The following LRRC7 variants were observed in gnomAD, a reference collection of about 807,000 sequenced individuals.
The protein encoded by LRRC7 is leucine rich repeat containing 7, also known as leucine-rich repeat-containing protein 7.
Under a neutral mutation model 175.7 loss-of-function variants are expected in LRRC7, and 23 were observed. The observed-to-expected ratio is 0.13, with a 90% CI of 0.09 to 0.19. The LOEUF is 0.19. Ranked by LOEUF, LRRC7 falls within the 10% of genes least tolerant of loss-of-function variation. The pLI is 1.00. For missense variants in LRRC7, 1,354 were observed against 1,904.7 expected, an observed-to-expected ratio of 0.71 and a Z score of 5.38; for synonymous variants, 685 against 680.9, an observed-to-expected ratio of 1.01 and a Z score of -0.09.
intron 17 of LRRC7, among the ~76,000 whole-genome samples, chr1:70,026,113 A>G (rs1658073833): frequency 6.6e-6 from 1 of 152,158 alleles, no homozygotes; most frequent in Admixed American, 6.5e-5. Flanking sequence ...CAAAAAATAC[A>G]TTACATTATT....
At chr1:69,738,385 A>T (rs1298977964) in intron 2 of LRRC7, among the ~76,000 whole-genome samples, 1 of 152,048 alleles carries the variant, frequency 6.6e-6, no homozygotes, top group Non-Finnish European at 1.5e-5. Context: ...TCTACAACTA[A>T]GTATTTCACG....
intron 9 of LRRC7, among the ~76,000 whole-genome samples, chr1:69,985,040 T>G (rs1653807128): frequency 6.6e-6 from 1 of 152,200 alleles, no homozygotes. Flanking sequence ...TTCTCTTCTT[T>G]TGATGAGCAG....
At chr1:69,644,902 A>T (rs1462992215) in intron 1 of LRRC7, among the ~76,000 whole-genome samples, 1 of 152,048 alleles carries the variant, frequency 6.6e-6, no homozygotes, top group African/African-American at 2.4e-5. Flanking sequence ...AATGCAGAAA[A>T]AAGCATTTGA....
chr1:69,977,948 A>G (rs1438887265), intron 8 of LRRC7, among the ~76,000 whole-genome samples: 1 of 152,200 alleles, frequency 6.6e-6, no homozygotes, highest in Non-Finnish European at 1.5e-5. Context: ...TCTCTGTCTT[A>G]TTGTATTCAT....
At chr1:69,964,311 C>T (rs1028441447) in intron 8 of LRRC7, among the ~76,000 whole-genome samples, 1 of 152,194 alleles carries the variant, frequency 6.6e-6, no homozygotes, top group East Asian at 1.9e-4. Flanking sequence ...CCTATATGGG[C>T]TATACTACTG....
At chr1:69,927,821 C>G (rs145453907) in intron 7 of LRRC7, among the ~76,000 whole-genome samples, 1 of 152,016 alleles carries the variant, frequency 6.6e-6, no homozygotes, top group African/African-American at 2.4e-5. Flanking sequence ...CAAAGTCATA[C>G]GCCGTCCAGC....
Position 70,124,940 on chromosome 1 carries a change from G to A in LRRC7, c.*3053G>A, listed in dbSNP as rs931847795. Among the ~76,000 whole-genome samples the A allele has an allele frequency of 6.6e-6, 1 of 152,278 alleles. No individual in the cohort carries two copies. Among genetic ancestry groups the A allele is most frequent in the South Asian group, 2.1e-4 (1 of 4,834 alleles). On this transcript the variant is annotated 3_prime_UTR_variant, in exon 27 of 27. Transcript: ENST00000651989. ...ATTAGAGGTAGAAAGAGCAAGTGATGAAAATTACTAGTAAAATTGCAAATT... is the reference window on the plus strand; with the variant it reads ...ATTAGAGGTAGAAAGAGCAAGTGATAAAAATTACTAGTAAAATTGCAAATT...
At chr1:69,645,668 G>T (rs905971596) in intron 1 of LRRC7, among the ~76,000 whole-genome samples, 1 of 151,888 alleles carries the variant, frequency 6.6e-6, no homozygotes, top group Non-Finnish European at 1.5e-5. Context: ...ACACAATACT[G>T]CTTTTTTTAG....
intron 2 of LRRC7, among the ~76,000 whole-genome samples, chr1:69,712,189 A>G (rs1664827775): frequency 6.6e-6 from 1 of 152,076 alleles, no homozygotes; most frequent in Non-Finnish European, 1.5e-5. Flanking sequence ...TCACTTAGCC[A>G]AGTGTACCCC....
chr1:69,614,153 C>A (rs543500053), intron 1 of LRRC7, among the ~76,000 whole-genome samples: 1 of 152,048 alleles, frequency 6.6e-6, no homozygotes, highest in African/African-American at 2.4e-5. Flanking sequence ...ATGGATACAT[C>A]ATATACAAAC....
chr1:69,756,438 A>T (rs371594757), intron 2 of LRRC7, among the ~76,000 whole-genome samples: 1 of 151,840 alleles, frequency 6.6e-6, no homozygotes, highest in South Asian at 2.1e-4. Flanking sequence ...AGTGCCTAGT[A>T]TGATAGATTA....
intron 3 of LRRC7, among the ~76,000 whole-genome samples, chr1:69,788,903 G>A (rs1215174450): frequency 6.6e-6 from 1 of 152,108 alleles, no homozygotes; most frequent in Non-Finnish European, 1.5e-5. Context: ...ATTAATGTCT[G>A]AATATTAAAG....
At chr1:69,610,131 T>G (rs560696791) in intron 1 of LRRC7, among the ~76,000 whole-genome samples, 1 of 152,210 alleles carries the variant, frequency 6.6e-6, no homozygotes, top group Admixed American at 6.6e-5. Context: ...AACTCTATAA[T>G]GGGTTCTTGT....
intron 2 of LRRC7, among the ~76,000 whole-genome samples, chr1:69,758,020 T>A (rs542445006): frequency 1.3e-5 from 2 of 151,982 alleles, no homozygotes; most frequent in East Asian, 3.9e-4. Flanking sequence ...TCGCTGCCAC[T>A]ACCATAGTCT....
intron 2 of LRRC7, among the ~76,000 whole-genome samples, chr1:69,759,893 G>T (rs999010037): frequency 6.6e-6 from 1 of 152,000 alleles, no homozygotes; most frequent in African/African-American, 2.4e-5. Context: ...TAGTAGCATT[G>T]AACTGAGACA....
intron 1 of LRRC7, among the ~76,000 whole-genome samples, chr1:69,601,980 T>C (rs1005429870): frequency 1.3e-5 from 2 of 152,190 alleles, no homozygotes; most frequent in African/African-American, 4.8e-5. Context: ...ATAAGAAAAC[T>C]TTGAAGTATG....
intron 7 of LRRC7, among the ~76,000 whole-genome samples, chr1:69,840,881 A>G (rs1270945480): frequency 4.6e-5 from 7 of 152,128 alleles, no homozygotes; most frequent in Non-Finnish European, 7.4e-5. Context: ...TTCCTTACAC[A>G]AGAATTATCT....
chr1:69,833,287 T>G (rs563906516), intron 5 of LRRC7, among the ~76,000 whole-genome samples: 1 of 152,150 alleles, frequency 6.6e-6, no homozygotes, highest in African/African-American at 2.4e-5. Flanking sequence ...TTGATTTATA[T>G]AATGTTCAAA....
chr1:70,008,731 T>C (rs1384307497), intron 11 of LRRC7, among the ~76,000 whole-genome samples: 1 of 152,166 alleles, frequency 6.6e-6, no homozygotes, highest in Non-Finnish European at 1.5e-5. Flanking sequence ...ATAGTTGTAG[T>C]GCTTTAATGG....
Sources: allele counts gnomAD v4.1 joint callset (sites outside exome capture counted in the v4.1 genomes callset), GRCh38; gene constraint gnomAD v4.1.1; transcripts MANE v1.5; gene names NCBI Gene and HGNC (gene_info 2026-07-23, HGNC 2026-07-21).